The following SEMA4A variants were observed in gnomAD, a reference collection of about 807,000 sequenced individuals.
The protein encoded by SEMA4A is semaphorin-4A.
In SEMA4A, 52 loss-of-function variants were observed where a neutral mutation model predicts 72.5. That is an observed-to-expected ratio of 0.72 (90% CI 0.57 to 0.90). The LOEUF (loss-of-function observed/expected upper bound fraction) is 0.90. SEMA4A is among the 40% of genes least tolerant of loss of function. SEMA4A has a pLI of 0.00. For missense variants in SEMA4A, 926 were observed against 959.7 expected (o/e 0.96, Z 0.46); for synonymous variants, 369 against 393.1 (o/e 0.94, Z 0.73).
chr1:156,174,111 C>CA (rs369211667), intron 11 of SEMA4A, among the ~76,000 whole-genome samples: 4,974 of 144,158 alleles, frequency 0.035, 288 homozygotes, highest in African/African-American at 0.12. Context: ...AAATCCGTCT[C>CA]AAAAAAAAAA....
intron 9 of SEMA4A, 35 bp downstream of exon 9, chr1:156,161,553 C>G: frequency 6.2e-7 from 1 of 1,609,970 alleles, no homozygotes; most frequent in Non-Finnish European, 8.5e-7. Flanking sequence ...GGGCTGGACA[C>G]GGGACTTGAC....
chr1:156,148,692 A>T (rs1179885884), upstream of SEMA4A, among the ~76,000 whole-genome samples: 2 of 152,168 alleles, frequency 1.3e-5, no homozygotes, highest in Non-Finnish European at 2.9e-5. Context: ...AGCAGGCTAC[A>T]GGCAACCAAG....
intron 7 of SEMA4A, 138 bp from the exon 8 acceptor site, chr1:156,160,767 C>A: frequency 7.7e-7 from 1 of 1,296,038 alleles, no homozygotes; most frequent in Non-Finnish European, 1.1e-6. Flanking sequence ...CACCCCACAT[C>A]GCTACCCCTC....
At position 156,160,885 on chromosome 1, in the gene SEMA4A, C is replaced by T. The variant is rs1294398196; in HGVS notation, c.686-20C>T. 1 of 1,613,428 alleles carries T rather than the reference C, an allele frequency of 6.2e-7. No individual in the cohort carries two copies. The highest frequency in any genetic ancestry group is 8.5e-7 in the Non-Finnish European group (1 of 1,179,938). ...CATGCAGGGGCTCAGTCCCTAAGCC[C>T]ATCTGCCCCTCCCCCGCAGATGACG... On this transcript the variant is annotated intron_variant, in intron 7 of 14. Coordinates refer to ENST00000368285, the MANE Select transcript of SEMA4A (RefSeq NM_022367.4).
Position 156,176,757 on chromosome 1 carries a change from C to T in SEMA4A, c.2046C>T (p.Pro682=), listed in dbSNP as rs1655379788. 2 of 1,612,204 alleles carry T rather than the reference C, an allele frequency of 1.2e-6. No homozygotes were observed. Among genetic ancestry groups the T allele is most frequent in the African/African-American group, 1.3e-5 (1 of 74,882 alleles). The change falls in exon 15 of 15, where the codon CCC becomes CCT. Residue 682 remains proline, a synonymous_variant. Coordinates refer to ENST00000368285, the MANE Select transcript of SEMA4A (RefSeq NM_022367.4). ...TGGCTGCCCAGCAGTCCTACTGGCC[C>T]CACTTTGTCACTGTCACTGTCCTCT... ...AALAAQQSYW[P]HFVTVTVLFA...
chr1:156,174,948 G>A lies in SEMA4A; in HGVS notation c.1434+8G>A, dbSNP rs1479069580. On this transcript the variant is annotated splice_region_variant and intron_variant, in intron 12 of 14. Transcript: ENST00000368285. The stretch of plus-strand genomic sequence containing the variant: ...CAGCTGGCCCCCACCCAGGTGGGAA[G>A]GGACCTGACCATCAAATGGCCTTCC... 1 of 1,614,248 alleles carries A rather than the reference G, an allele frequency of 6.2e-7. No homozygotes were observed. The highest frequency in any genetic ancestry group is 1.1e-5 in the South Asian group (1 of 91,082).
At chr1:156,148,952 G>A (rs1357519334), upstream of SEMA4A, among the ~76,000 whole-genome samples, 1 of 151,904 alleles carries the variant, frequency 6.6e-6, no homozygotes, top group Non-Finnish European at 1.5e-5. Flanking sequence ...GCAGGCATGC[G>A]CCACCATGCC....
At chr1:156,165,907 CTTTT>C (rs71080751) in intron 10 of SEMA4A, among the ~76,000 whole-genome samples, 2 of 112,948 alleles carry the variant, frequency 1.8e-5, no homozygotes, top group African/African-American at 3.6e-5. Flanking sequence ...TTCCTATCTT[CTTTT>C]TTTTTTTTTT....
intron 10 of SEMA4A, among the ~76,000 whole-genome samples, chr1:156,170,150 C>T (rs1490157683): frequency 6.6e-6 from 1 of 151,516 alleles, no homozygotes; most frequent in Non-Finnish European, 1.5e-5. Context: ...TAGTGAGACC[C>T]CCATCTCTAC....
At chr1:156,152,624 C>T (rs969349493), upstream of SEMA4A, among the ~76,000 whole-genome samples, 29 of 152,228 alleles carry the variant, frequency 1.9e-4, no homozygotes, top group African/African-American at 7.0e-4. Context: ...TGTCTGAGAC[C>T]AACCCCCGGG....
At chr1:156,168,030 C>T (rs1259367809) in intron 10 of SEMA4A, among the ~76,000 whole-genome samples, 1 of 152,058 alleles carries the variant, frequency 6.6e-6, no homozygotes, top group African/African-American at 2.4e-5. Flanking sequence ...AGGCAGTTCT[C>T]CTGCCTCAGA....
chr1:156,166,563 AAG>A, intron 10 of SEMA4A, among the ~76,000 whole-genome samples: 1 of 152,078 alleles, frequency 6.6e-6, no homozygotes, highest in Admixed American at 6.5e-5. Flanking sequence ...ATTTTTCTGG[AAG>A]AGTGTCTCAA....
rs370605820 is a variant in SEMA4A at position 156,158,142 on chromosome 1, G to C, written c.363+10G>C. 1 of 1,614,052 alleles carries C rather than the reference G, an allele frequency of 6.2e-7. No individual in the cohort carries two copies. The highest frequency in any genetic ancestry group is 8.5e-7 in the Non-Finnish European group (1 of 1,179,928). On this transcript the variant is annotated intron_variant, in intron 4 of 14. Transcript: ENST00000368285. ...GAAGAAGAGCAATGAGGTAAGTGGA[G>C]GTGGGGGAGTAGGGGTAGAGTGGGT...
Position 156,154,696 on chromosome 1 carries a change from C to A in SEMA4A, c.118C>A (p.Pro40Thr). Residue 40 changes from proline (P) to threonine (T), a missense_variant, in exon 2 of 15, where the codon CCC becomes ACC. Pro to Thr is a conservative substitution (Grantham distance 38, BLOSUM62 -1). Transcript: ENST00000368285. ...GGGGGGAGGCGGGCAGGGGCCCATG[C>A]CCAGGGTCAGATACTATGCAGGTAA... ...TAGGGGQGPM[P>T]RVRYYAGDER... The A allele has an allele frequency of 6.3e-7, 1 of 1,587,768 alleles. No individual in the cohort carries two copies. The highest frequency in any genetic ancestry group is 2.3e-5 in the East Asian group (1 of 44,158).
chr1:156,163,334 C>T (rs1653856245), intron 10 of SEMA4A: 2 of 546,780 alleles, frequency 3.7e-6, no homozygotes, highest in Non-Finnish European at 6.6e-6. Context: ...CACCAAATAT[C>T]TGGGTATATC....
At chr1:156,160,726 G>A (rs1653511296) in intron 7 of SEMA4A, among the ~76,000 whole-genome samples, 167 bp downstream of exon 7, 1 of 152,160 alleles carries the variant, frequency 6.6e-6, no homozygotes, top group Non-Finnish European at 1.5e-5. Context: ...TTCGTCTTAT[G>A]TAAACACATT....
In SEMA4A at chr1:156,161,510, C is replaced by T. The variant is rs2102961624; in HGVS notation, c.975C>T (p.Thr325=). ...PTAPHIYAVF[T]SQWQVGGTRS... is the part of the protein sequence containing the mutation. ...CTCCCCACATCTACGCAGTCTTCACCTCCCAGTGGTGAGCAGCAGGGCTGG... is the reference window on the plus strand; with the variant it reads ...CTCCCCACATCTACGCAGTCTTCACTTCCCAGTGGTGAGCAGCAGGGCTGG... The change falls in exon 9 of 15, where the codon ACC becomes ACT. Residue 325 remains threonine, a synonymous_variant. Transcript: ENST00000368285. 1.2e-6 allele frequency: 2 copies of T among 1,613,980 alleles called. No homozygotes were observed. Among genetic ancestry groups the T allele is most frequent in the East Asian group, 2.2e-5 (1 of 44,876 alleles).
intron 10 of SEMA4A, among the ~76,000 whole-genome samples, chr1:156,170,051 G>A (rs111361568): frequency 6.6e-6 from 1 of 151,564 alleles, no homozygotes; most frequent in African/African-American, 2.4e-5. Flanking sequence ...GCCCAGGTGC[G>A]ATGGCTGATG....
chr1:156,150,913 G>A (rs538116040), upstream of SEMA4A, among the ~76,000 whole-genome samples: 2 of 152,256 alleles, frequency 1.3e-5, no homozygotes, highest in South Asian at 2.1e-4. Flanking sequence ...GGAGAAATGG[G>A]CTGGGGGAAA....
Sources: gnomAD v4.1 joint callset for allele counts (sites outside exome capture counted in the v4.1 genomes callset) on GRCh38, gnomAD v4.1.1 for gene constraint, MANE v1.5 for transcripts, NCBI Gene and HGNC (gene_info 2026-07-23, HGNC 2026-07-21) for gene names.